Variants in ZNF536 observed in about 807,000 individuals in gnomAD.
The protein encoded by ZNF536 is zinc finger protein 536.
Under a neutral mutation model 84.5 loss-of-function variants are expected in ZNF536, and 13 were observed. The ratio of observed to expected loss-of-function variants is 0.15; its 90% CI spans 0.10 to 0.24. The LOEUF (loss-of-function observed/expected upper bound fraction) is 0.24. Among genes scored for constraint, ZNF536 ranks in the 10% least tolerant of loss-of-function variants. The pLI is 1.00. For missense variants in ZNF536, 1,536 were observed against 1,747.5 expected, an observed-to-expected ratio of 0.88 and a Z score of 2.16; for synonymous variants, 811 against 742.5, an observed-to-expected ratio of 1.09 and a Z score of -1.50.
At chr19:30,588,588 T>G (rs1469788375) in intron 1 of ZNF536, among the ~76,000 whole-genome samples, 1 of 152,146 alleles carries the variant, frequency 6.6e-6, no homozygotes, top group Admixed American at 6.5e-5. Context: ...ATTTTTCTGA[T>G]CCAAACCAAG....
chr19:30,536,818 A>AG (rs1166097334), intron 3 of ZNF536, among the ~76,000 whole-genome samples: 5 of 152,052 alleles, frequency 3.3e-5, no homozygotes, highest in Admixed American at 3.3e-4. Context: ...GAGTTCAGGG[A>AG]GGGGGCCTTG....
At chr19:30,373,907 G>C (rs1009738712) in intron 1 of ZNF536, among the ~76,000 whole-genome samples, 1 of 152,210 alleles carries the variant, frequency 6.6e-6, no homozygotes, top group African/African-American at 2.4e-5. Flanking sequence ...CAAGGTGCAC[G>C]CGGCCCGGCC....
chr19:30,697,852 A>G (rs1238761418), intron 1 of ZNF536, among the ~76,000 whole-genome samples: 1 of 152,194 alleles, frequency 6.6e-6, no homozygotes, highest in Non-Finnish European at 1.5e-5. Flanking sequence ...GAAGTTAAGT[A>G]TTACCTGTTT....
intron 1 of ZNF536, among the ~76,000 whole-genome samples, chr19:30,257,427 A>G (rs139007698): frequency 5.5e-4 from 84 of 152,332 alleles, no homozygotes; most frequent in African/African-American, 1.6e-3. Context: ...TGGGGTCTGA[A>G]TATTTTCCTT....
At chr19:30,353,607 G>T (rs2048004903) in intron 3 of ZNF536, among the ~76,000 whole-genome samples, 1 of 152,096 alleles carries the variant, frequency 6.6e-6, no homozygotes, top group Non-Finnish European at 1.5e-5. Flanking sequence ...CCGGGCCCCG[G>T]GCTTCCAGAC....
intron 1 of ZNF536, among the ~76,000 whole-genome samples, chr19:30,425,936 G>T (rs190779986): frequency 1.6e-4 from 25 of 152,296 alleles, no homozygotes; most frequent in African/African-American, 6.0e-4. Flanking sequence ...CTGATTAATA[G>T]GTGTGAGCGA....
chr19:30,231,463 C>T (rs1200010894), intron 1 of ZNF536, among the ~76,000 whole-genome samples: 3 of 152,200 alleles, frequency 2.0e-5, no homozygotes, highest in Non-Finnish European at 2.9e-5. Context: ...TGCACACTGG[C>T]ACCTTCTCCA....
At chr19:30,650,920 C>T (rs2049677935) in intron 1 of ZNF536, among the ~76,000 whole-genome samples, 1 of 152,210 alleles carries the variant, frequency 6.6e-6, no homozygotes, top group Non-Finnish European at 1.5e-5. Flanking sequence ...ATATAAATAG[C>T]ATTGAGAACT....
chr19:30,575,493 C>A (rs549884897), intron 1 of ZNF536, among the ~76,000 whole-genome samples: 3 of 152,194 alleles, frequency 2.0e-5, no homozygotes, highest in Non-Finnish European at 2.9e-5. Flanking sequence ...GAGGGAGTAG[C>A]GACATCTGTC....
At chr19:30,284,165 T>G (rs1322475364) in intron 2 of ZNF536, 1 of 152,280 alleles carries the variant, frequency 6.6e-6, no homozygotes, top group East Asian at 1.9e-4. Flanking sequence ...ATTTGTAGTT[T>G]GTTGAACTGG....
intron 1 of ZNF536, among the ~76,000 whole-genome samples, chr19:30,595,573 C>G (rs1197763858): frequency 6.6e-6 from 1 of 152,158 alleles, no homozygotes; most frequent in East Asian, 1.9e-4. Context: ...CAGTGGTGAG[C>G]CACCATGCCT....
intron 1 of ZNF536, among the ~76,000 whole-genome samples, chr19:30,632,770 G>C (rs1051907525): frequency 6.6e-6 from 1 of 152,212 alleles, no homozygotes. Flanking sequence ...TGTTGCTTAA[G>C]TCACTGCTGG....
In ZNF536 at chr19:30,598,986, T is replaced by TCCC. The variant is rs1568589382; in HGVS notation, c.169+49472_169+49473insCCC. Among the ~76,000 whole-genome samples the TCCC allele has an allele frequency of 5.4e-4, 34 of 63,050 alleles. 1 individual carries two copies. The highest frequency in any genetic ancestry group is 2.0e-3 in the African/African-American group (34 of 16,896). 41.4% of individuals were successfully genotyped at this position (63,050 alleles called of 152,430 possible). A position where few individuals can be genotyped will look rare whatever the true frequency, so the allele number is the denominator to read the frequency against. ...CTCCTTCCCTCCTTCCCTCCCTCCC[T>TCCC]TCCTTCCTCCCTTCCTCCTTCCCTC... is the stretch of plus-strand genomic sequence containing the variant. On this transcript the variant is annotated intron_variant, in intron 1 of 1. Transcript: ENST00000592773.
intron 1 of ZNF536, among the ~76,000 whole-genome samples, chr19:30,268,614 C>T (rs553220814): frequency 3.9e-5 from 6 of 152,288 alleles, no homozygotes; most frequent in East Asian, 3.9e-4. Flanking sequence ...CTCCTACAAA[C>T]GAGCTTTCCA....
intron 1 of ZNF536, among the ~76,000 whole-genome samples, chr19:30,585,199 T>C (rs1387268138): frequency 6.6e-6 from 1 of 152,178 alleles, no homozygotes; most frequent in African/African-American, 2.4e-5. Context: ...GCTAAGTTGA[T>C]TCATTTTCAG....
intron 1 of ZNF536, among the ~76,000 whole-genome samples, chr19:30,259,797 G>T (rs1381907255): frequency 6.6e-6 from 1 of 152,102 alleles, no homozygotes; most frequent in Non-Finnish European, 1.5e-5. Flanking sequence ...CTGTCACCCA[G>T]GCTGGAGTGC....
intron 2 of ZNF536, among the ~76,000 whole-genome samples, chr19:30,330,232 C>T (rs537873932): frequency 2.0e-5 from 3 of 152,068 alleles, no homozygotes; most frequent in Non-Finnish European, 2.9e-5. Flanking sequence ...GTGCTAAATT[C>T]GATCATGTAG....
At chr19:30,278,346 G>A (rs1291043652) in intron 1 of ZNF536, among the ~76,000 whole-genome samples, 1 of 152,228 alleles carries the variant, frequency 6.6e-6, no homozygotes, top group African/African-American at 2.4e-5. Context: ...GTTGCTTCTA[G>A]TTGTCTGGTT....
intron 1 of ZNF536, among the ~76,000 whole-genome samples, chr19:30,629,302 T>C (rs1600086016): frequency 1.3e-5 from 2 of 152,202 alleles, no homozygotes; most frequent in Middle Eastern, 3.4e-3. Context: ...CGGGTTCAGG[T>C]AATCCTCTTA....
Sources: gnomAD v4.1 joint callset for allele counts (sites outside exome capture counted in the v4.1 genomes callset) on GRCh38, gnomAD v4.1.1 for gene constraint, MANE v1.5 for transcripts, NCBI Gene and HGNC (gene_info 2026-07-23, HGNC 2026-07-21) for gene names.